SOX5: variants seen among roughly 807,000 people sequenced by gnomAD.
SOX5 encodes the protein transcription factor SOX-5.
SOX5 carries 9 observed loss-of-function variants against 92.0 expected under a neutral mutation model. The observed-to-expected ratio is 0.10, with a 90% CI of 0.06 to 0.17. The LOEUF is 0.17. SOX5 is among the 10% of genes least tolerant of loss of function. SOX5 has a pLI of 1.00. For synonymous variants in SOX5, 344 were observed against 336.3 expected, an observed-to-expected ratio of 1.02 and a Z score of -0.25; for missense variants, 642 against 944.5, an observed-to-expected ratio of 0.68 and a Z score of 4.20.
intron 4 of SOX5, among the ~76,000 whole-genome samples, chr12:24,069,115 A>G (rs1941374497): frequency 7.0e-6 from 1 of 142,014 alleles, no homozygotes; most frequent in Non-Finnish European, 1.6e-5. Context: ...GGGCCTTAAA[A>G]AAAAATAGAC....
At chr12:23,701,663 A>G (rs2090641672) in intron 6 of SOX5, among the ~76,000 whole-genome samples, 1 of 152,028 alleles carries the variant, frequency 6.6e-6, no homozygotes, top group Non-Finnish European at 1.5e-5. Flanking sequence ...TGTAAACAGG[A>G]TCGTTACTAG....
intron 1 of SOX5, among the ~76,000 whole-genome samples, chr12:23,913,567 C>T (rs548446581): frequency 1.3e-5 from 2 of 152,034 alleles, no homozygotes; most frequent in East Asian, 3.9e-4. Flanking sequence ...GAAACCCCGT[C>T]TCTACTAAAA....
At chr12:24,276,312 A>T (rs1413536433) in intron 3 of SOX5, among the ~76,000 whole-genome samples, 1 of 152,142 alleles carries the variant, frequency 6.6e-6, no homozygotes, top group Non-Finnish European at 1.5e-5. Context: ...TTTTTAAAAG[A>T]GGTAACCACT....
At chr12:24,323,821 C>CA (rs1950428912) in intron 2 of SOX5, among the ~76,000 whole-genome samples, 1 of 151,762 alleles carries the variant, frequency 6.6e-6, no homozygotes, top group Non-Finnish European at 1.5e-5. Context: ...CAGGGGAGAC[C>CA]AATAAAGTTT....
intron 1 of SOX5, among the ~76,000 whole-genome samples, chr12:24,433,140 A>C (rs1938692712): frequency 2.0e-5 from 3 of 152,248 alleles, no homozygotes; most frequent in Non-Finnish European, 4.4e-5. Context: ...AGCTAGTAAA[A>C]TATTTAAATG....
At chr12:23,910,543 G>C (rs889168658) in intron 1 of SOX5, among the ~76,000 whole-genome samples, 3 of 152,112 alleles carry the variant, frequency 2.0e-5, no homozygotes, top group South Asian at 2.1e-4. Context: ...TACCATAACT[G>C]TATTAGTTAG....
intron 8 of SOX5, among the ~76,000 whole-genome samples, chr12:23,636,757 A>C (rs879833330): frequency 2.0e-5 from 3 of 152,184 alleles, no homozygotes; most frequent in Non-Finnish European, 2.9e-5. Context: ...TCAATTAGTC[A>C]GCATTATTGT....
intron 6 of SOX5, among the ~76,000 whole-genome samples, chr12:23,715,914 T>C (rs1011699398): frequency 1.3e-5 from 2 of 151,604 alleles, no homozygotes; most frequent in African/African-American, 2.4e-5. Context: ...AACATGACTA[T>C]CATTAGTAAT....
At chr12:23,996,006 A>C (rs1950998619) in intron 4 of SOX5, among the ~76,000 whole-genome samples, 1 of 152,196 alleles carries the variant, frequency 6.6e-6, no homozygotes. Flanking sequence ...CATTTTCTCA[A>C]TTCATTTTAG....
At chr12:23,838,638 T>C (rs1168835253) in intron 3 of SOX5, among the ~76,000 whole-genome samples, 1 of 152,126 alleles carries the variant, frequency 6.6e-6, no homozygotes, top group Non-Finnish European at 1.5e-5. Flanking sequence ...GCTCAGCTTT[T>C]AATATATTTG....
chr12:23,609,200 T>G (rs908953469), intron 8 of SOX5, among the ~76,000 whole-genome samples: 1 of 152,138 alleles, frequency 6.6e-6, no homozygotes, highest in Non-Finnish European at 1.5e-5. Flanking sequence ...GAAAGGGCAA[T>G]GCATACATAG....
chr12:24,094,648 G>A (rs11047256), intron 4 of SOX5, among the ~76,000 whole-genome samples: 61,416 of 151,694 alleles, frequency 0.4, 12,806 homozygotes, highest in East Asian at 0.66. Flanking sequence ...AGCCACCTGG[G>A]ATTTATTCTG....
intron 4 of SOX5, among the ~76,000 whole-genome samples, chr12:24,194,738 A>G (rs972954683): frequency 6.6e-6 from 1 of 152,118 alleles, no homozygotes; most frequent in African/African-American, 2.4e-5. Context: ...TTAGACATCT[A>G]TTGAAGCTCT....
chr12:23,615,289 T>A (rs1192493191), intron 8 of SOX5, among the ~76,000 whole-genome samples: 3 of 152,166 alleles, frequency 2.0e-5, no homozygotes, highest in Non-Finnish European at 2.9e-5. Context: ...TTAAAAAAAA[T>A]TAAGCTGTCT....
At chr12:23,711,953 T>C (rs2092093820) in intron 6 of SOX5, among the ~76,000 whole-genome samples, 1 of 152,208 alleles carries the variant, frequency 6.6e-6, no homozygotes, top group African/African-American at 2.4e-5. Flanking sequence ...TTCTAATGAC[T>C]ATAACAAACT....
chr12:23,763,527 C>T (rs936444212), intron 3 of SOX5, among the ~76,000 whole-genome samples: 13 of 152,058 alleles, frequency 8.5e-5, no homozygotes, highest in African/African-American at 3.1e-4. Flanking sequence ...TCAGTTTGAT[C>T]TTATCAATAA....
chr12:24,365,874 CA>C (rs1410999915), intron 2 of SOX5, among the ~76,000 whole-genome samples: 2 of 151,832 alleles, frequency 1.3e-5, no homozygotes, highest in Non-Finnish European at 2.9e-5. Context: ...AGCAAAGAAG[CA>C]CCCCCAAGGC....
intron 1 of SOX5, among the ~76,000 whole-genome samples, chr12:24,484,744 T>C (rs1001589638): frequency 6.6e-6 from 1 of 152,220 alleles, no homozygotes; most frequent in African/African-American, 2.4e-5. Flanking sequence ...GAAATCACTT[T>C]CCAGTGAACA....
chr12:24,060,126 G>A (rs1939380169), intron 4 of SOX5, among the ~76,000 whole-genome samples: 1 of 152,318 alleles, frequency 6.6e-6, no homozygotes, highest in Admixed American at 6.5e-5. Flanking sequence ...ATAGTAAGTT[G>A]AAATAGTTAT....
Sources: allele counts gnomAD v4.1 joint callset (sites outside exome capture counted in the v4.1 genomes callset), GRCh38; gene constraint gnomAD v4.1.1; transcripts MANE v1.5; gene names NCBI Gene and HGNC (gene_info 2026-07-23, HGNC 2026-07-21).